The following NFE2L1 variants were observed in gnomAD, a reference collection of about 807,000 sequenced individuals.
NFE2L1 encodes the protein NFE2 like bZIP transcription factor 1.
In NFE2L1, 18 loss-of-function variants were observed where a neutral mutation model predicts 61.6. The ratio of observed to expected loss-of-function variants is 0.29; its 90% CI spans 0.20 to 0.43. NFE2L1 has a LOEUF of 0.43. Ranked by LOEUF, NFE2L1 falls within the 20% of genes least tolerant of loss-of-function variation. The probability of loss-of-function intolerance (pLI) is 1.00; values close to 1 mark genes in which losing one functional copy is unlikely to be tolerated. For missense variants in NFE2L1, 827 were observed against 973.5 expected (o/e 0.85, Z 2.00); for synonymous variants, 419 against 402.7 (o/e 1.04, Z -0.48).
chr17:48,055,098 G>A, intron 2 of NFE2L1: 1 of 1,451,114 alleles, frequency 6.9e-7, no homozygotes, highest in Non-Finnish European at 9.1e-7. Flanking sequence ...TTGCTGGCTG[G>A]TCACCGGGTG....
chr17:48,058,176 T>TATCA lies in NFE2L1; in HGVS notation c.973-119_973-118insATCA. On this transcript the variant is annotated intron_variant, in intron 5 of 5. Coordinates refer to ENST00000362042, the MANE Select transcript of NFE2L1 (RefSeq NM_003204.3). The stretch of plus-strand genomic sequence containing the variant: ...CAGGAGCTGACACTGTGGGCTTTGG[T>TATCA]TTATAGTATTTTGCCTTTACACCCA... 4 of 1,392,894 alleles carry TATCA rather than the reference T, an allele frequency of 2.9e-6. No individual in the cohort carries two copies. The South Asian group carries it at 4.9e-5, about 17-fold the overall frequency. 86.3% of individuals were successfully genotyped at this position (1,392,894 alleles called of 1,614,324 possible). A position where few individuals can be genotyped will look rare whatever the true frequency, so the allele number is the denominator to read the frequency against.
intron 1 of NFE2L1, among the ~76,000 whole-genome samples, chr17:48,050,371 T>C (rs1049693353): frequency 6.6e-6 from 1 of 151,860 alleles, no homozygotes; most frequent in African/African-American, 2.4e-5. Context: ...CCCAGATACT[T>C]GGGAGGCTGA....
At chr17:48,057,781 T>A (rs2037440840) in intron 5 of NFE2L1, among the ~76,000 whole-genome samples, 1 of 152,220 alleles carries the variant, frequency 6.6e-6, no homozygotes, top group Non-Finnish European at 1.5e-5. Flanking sequence ...GATAGGCACT[T>A]GGCTGAATGC....
intron 3 of NFE2L1, 32 bp downstream of exon 3, chr17:48,056,630 C>G: frequency 6.2e-7 from 1 of 1,607,156 alleles, no homozygotes; most frequent in Non-Finnish European, 8.5e-7. Context: ...GGGCTCTCTT[C>G]TTGTCCCTAC....
chr17:48,053,938 C>T (rs902924034), intron 2 of NFE2L1, among the ~76,000 whole-genome samples: 2 of 152,124 alleles, frequency 1.3e-5, no homozygotes, highest in African/African-American at 4.8e-5. Context: ...TTGCTTGGGG[C>T]TAGGCTTGGC....
chr17:48,061,154 A>T lies in NFE2L1; in HGVS notation c.*1513A>T, dbSNP rs899682080. ...GCTGCCTGGGGGAGGCAGACATGGG[A>T]GTGCCAAGGTGGCCAGATGGTTCCA... On this transcript the variant is annotated 3_prime_UTR_variant, in exon 6 of 6. Transcript: ENST00000362042. The T allele has an allele frequency of 1.3e-5, 2 of 152,424 alleles. No individual in the cohort carries two copies. The highest frequency in any genetic ancestry group is 4.8e-5 in the African/African-American group (2 of 41,444). 9.4% of individuals were successfully genotyped at this position (152,424 alleles called of 1,614,324 possible). A position where few individuals can be genotyped will look rare whatever the true frequency, so the allele number is the denominator to read the frequency against.
chr17:48,053,365 G>A (rs2037304666), intron 2 of NFE2L1, among the ~76,000 whole-genome samples: 2 of 152,170 alleles, frequency 1.3e-5, no homozygotes, highest in Non-Finnish European at 2.9e-5. Flanking sequence ...AGGGGCCCAG[G>A]CTGGGTATGG....
At position 48,057,196 on chromosome 17, in the gene NFE2L1, G is replaced by A. The variant is rs2037425091; in HGVS notation, c.813+75G>A. The A allele has an allele frequency of 1.9e-6, 3 of 1,590,980 alleles. No individual in the cohort carries two copies. The East Asian group carries it at 6.7e-5, about 36-fold the overall frequency. On this transcript the variant is annotated intron_variant, in intron 4 of 5. Transcript: ENST00000362042. ...CCTGGTGTGTCCCTCCATGGCTGAG[G>A]GGCCAGCTGTTGGTTCTGGCCTTAT...
Position 48,060,041 on chromosome 17 carries a change from C to CT in NFE2L1, c.*400_*401insT, listed in dbSNP as rs898897317. 6.9e-6 allele frequency: 1 copy of CT among 145,210 alleles called. No homozygotes were observed. The highest frequency in any genetic ancestry group is 7.1e-5 in the Admixed American group (1 of 14,114). 9.0% of individuals were successfully genotyped at this position (145,210 alleles called of 1,614,324 possible). A position where few individuals can be genotyped will look rare whatever the true frequency, so the allele number is the denominator to read the frequency against. On this transcript the variant is annotated 3_prime_UTR_variant, in exon 6 of 6. Coordinates refer to ENST00000362042, the MANE Select transcript of NFE2L1 (RefSeq NM_003204.3). ...TAGAAGGAAGGAAGGAAGGAACCCCCCCCCCCCCGAAAAAAAAATCAAAGC... is the reference window on the plus strand; with the variant it reads ...TAGAAGGAAGGAAGGAAGGAACCCCCTCCCCCCCCGAAAAAAAAATCAAAGC...
At chr17:48,051,699 A>G in intron 2 of NFE2L1, 71 bp downstream of exon 2, 1 of 1,534,200 alleles carries the variant, frequency 6.5e-7, no homozygotes, top group Non-Finnish European at 8.8e-7. Context: ...GATTGTGGTC[A>G]GAACACTGAG....
At position 48,059,180 on chromosome 17, in the gene NFE2L1, G is replaced by A. The variant is rs1329839168; in HGVS notation, c.1858G>A (p.Ala620Thr). 1 of 1,614,122 alleles carries A rather than the reference G, an allele frequency of 6.2e-7. No homozygotes were observed. Among genetic ancestry groups the A allele is most frequent in the Admixed American group, 1.7e-5 (1 of 60,016 alleles). ...GAGCCGGGATGAGCACCGAGCCCGAGCCATGAAGATCCCTTTCACCAATGA... is the reference window on the plus strand; with the variant it reads ...GAGCCGGGATGAGCACCGAGCCCGAACCATGAAGATCCCTTTCACCAATGA... ...QMSRDEHRAR[A>T]MKIPFTNDKI... is the part of the protein sequence containing the mutation. The change falls in exon 6 of 6, where the codon GCC becomes ACC. Residue 620 changes from alanine (A) to threonine (T), a missense_variant. Transcript: ENST00000362042. The surrounding 1 kb of genome is among the most constrained non-coding windows in gnomAD (Gnocchi z 6.1).
In NFE2L1 at chr17:48,059,620, G is replaced by A. The variant is rs1483012840; in HGVS notation, c.2298G>A (p.Lys766=). 1 of 1,566,832 alleles carries A rather than the reference G, an allele frequency of 6.4e-7. No individual in the cohort carries two copies. Among genetic ancestry groups the A allele is most frequent in the Non-Finnish European group, 8.7e-7 (1 of 1,155,792 alleles). ...AGCAGGCCCGGCGGCAGGAGAGGAA[G>A]CCAAAGGACCGGAGAAAGTGAGCCT... ...ADQQARRQER[K]PKDRRK The change falls in exon 6 of 6, where the codon AAG becomes AAA. Residue 766 remains lysine (K), a synonymous_variant. Coordinates refer to ENST00000362042, the MANE Select transcript of NFE2L1 (RefSeq NM_003204.3). This position sits in a 1 kb window ranked among gnomAD's most constrained non-coding sequence, Gnocchi z 6.1.
At chr17:48,057,185 C>T (rs2037424666) in intron 4 of NFE2L1, 64 bp downstream of exon 4, 1 of 1,597,336 alleles carries the variant, frequency 6.3e-7, no homozygotes, top group African/African-American at 1.3e-5. Flanking sequence ...GTGTGTCCCT[C>T]CATGGCTGAG....
chr17:48,050,495 A>C, intron 1 of NFE2L1, 112 bp from the exon 2 acceptor site: 1 of 394,504 alleles, frequency 2.5e-6, no homozygotes, highest in Non-Finnish European at 4.5e-6. Context: ...AAAAAAAGTG[A>C]AAGTGTCCTT....
Position 48,056,400 on chromosome 17 carries a change from T to TGAC in NFE2L1, c.526_528dup (p.Asp176dup). ...CTGTCTTTCAGGACATAGATCTGAT[T>TGAC]GACATCCTTTGGCGACAGGATATTG... is the stretch of plus-strand genomic sequence containing the variant. On this transcript the variant is annotated inframe_insertion, in exon 3 of 6. Coordinates refer to ENST00000362042, the MANE Select transcript of NFE2L1 (RefSeq NM_003204.3). The TGAC allele has an allele frequency of 6.2e-7, 1 of 1,614,134 alleles. No homozygotes were observed. The highest frequency in any genetic ancestry group is 8.5e-7 in the Non-Finnish European group (1 of 1,180,006).
rs1253678446 is a variant in NFE2L1 at position 48,059,602 on chromosome 17, C to T, written c.2280C>T (p.Ala760=). 1 of 1,580,396 alleles carries T rather than the reference C, an allele frequency of 6.3e-7. No individual in the cohort carries two copies. Among genetic ancestry groups the T allele is most frequent in the Non-Finnish European group, 8.6e-7 (1 of 1,161,222 alleles). The change falls in exon 6 of 6, where the codon GCC becomes GCT. Residue 760 remains alanine, a synonymous_variant. Coordinates refer to ENST00000362042, the MANE Select transcript of NFE2L1 (RefSeq NM_003204.3). The surrounding 1 kb of genome is among the most constrained non-coding windows in gnomAD (Gnocchi z 6.1). The stretch of plus-strand genomic sequence containing the variant: ...CCCGCACGATGGCCGACCAGCAGGC[C>T]CGGCGGCAGGAGAGGAAGCCAAAGG... ...LIPRTMADQQ[A]RRQERKPKDR... is the part of the protein sequence containing the mutation.
At position 48,056,519 on chromosome 17, in the gene NFE2L1, C is replaced by T. The variant is rs1044717873; in HGVS notation, c.644C>T (p.Thr215Ile). Residue 215 changes from threonine (T) to isoleucine (I), a missense_variant, in exon 3 of 6, where the codon ACC becomes ATC. By Grantham distance (89) the Thr-to-Ile change is moderately conservative. This residue lies in a region of NFE2L1 where 667 missense variants were observed against 748.4 expected (regional missense o/e 0.89). Coordinates refer to ENST00000362042, the MANE Select transcript of NFE2L1 (RefSeq NM_003204.3). The stretch of plus-strand genomic sequence containing the variant: ...CTGCGAGATGGAGGCGAGCAGGACA[C>T]CTGGGCAGGCGAGGGCGCGGAAGCT... ...KELRDGGEQD[T>I]WAGEGAEALA... 3.7e-6 allele frequency: 6 copies of T among 1,614,146 alleles called. No individual in the cohort carries two copies. Among genetic ancestry groups the T allele is most frequent in the Middle Eastern group, 1.7e-4 (1 of 6,058 alleles).
chr17:48,051,421 T>C lies in NFE2L1; in HGVS notation c.303T>C (p.Asn101=), dbSNP rs1332410784. The stretch of plus-strand genomic sequence containing the variant: ...TCCAGGTGCCAACCACTGAGGTAAA[T>C]GCCTGGCTGGTTCACCGAGACCCAG... ...DRFQVPTTEV[N]AWLVHRDPEG... The change falls in exon 2 of 6, where the codon AAT becomes AAC. Residue 101 remains asparagine, a synonymous_variant. Coordinates refer to ENST00000362042, the MANE Select transcript of NFE2L1 (RefSeq NM_003204.3). The C allele has an allele frequency of 1.2e-6, 2 of 1,614,048 alleles. No homozygotes were observed. The highest frequency in any genetic ancestry group is 1.7e-6 in the Non-Finnish European group (2 of 1,180,020).
chr17:48,058,281 T>C lies in NFE2L1; in HGVS notation c.973-14T>C. ...CAGTTCCTAGTGAACAGTGGTGCTC[T>C]TCTCCCCTCCCAGGCCATGGAAGTG... On this transcript the variant is annotated splice_polypyrimidine_tract_variant and intron_variant, in intron 5 of 5. Transcript: ENST00000362042. The C allele has an allele frequency of 1.9e-6, 3 of 1,550,224 alleles. No individual in the cohort carries two copies. The highest frequency in any genetic ancestry group is 2.3e-5 in the East Asian group (1 of 44,268).
Sources: allele counts gnomAD v4.1 joint callset (sites outside exome capture counted in the v4.1 genomes callset), GRCh38; gene constraint gnomAD v4.1.1; regional missense constraint gnomAD v4.1.1; non-coding constraint Gnocchi (gnomAD v3.1); transcripts MANE v1.5; gene names NCBI Gene and HGNC (gene_info 2026-07-23, HGNC 2026-07-21).